Variants in PEX2 observed in about 807,000 individuals in gnomAD.
PEX2 encodes the protein peroxisome biogenesis factor 2.
In PEX2, 19 loss-of-function variants were observed where a neutral mutation model predicts 25.2. That is an observed-to-expected ratio of 0.75 (90% CI 0.53 to 1.10). The LOEUF (loss-of-function observed/expected upper bound fraction) is 1.10. Among genes scored for constraint, PEX2 ranks in the 50% least tolerant of loss-of-function variants. The pLI is 0.00. For synonymous variants in PEX2, 141 were observed against 127.7 expected (o/e 1.10, Z -0.70); for missense variants, 347 against 350.6 (o/e 0.99, Z 0.08).
chr8:76,995,312 T>C (rs1329816174), intron 1 of PEX2, among the ~76,000 whole-genome samples: 1 of 152,212 alleles, frequency 6.6e-6, no homozygotes, highest in Non-Finnish European at 1.5e-5. Context: ...ACCTCTAAAT[T>C]ACTTTTAACT....
At chr8:76,990,000 G>A (rs1478671637) in intron 1 of PEX2, among the ~76,000 whole-genome samples, 2 of 152,128 alleles carry the variant, frequency 1.3e-5, no homozygotes, top group African/African-American at 4.8e-5. Context: ...TAAGCCTTTT[G>A]TCTATCTTGA....
At chr8:76,986,575 C>T (rs1010517846) in intron 2 of PEX2, 1 of 152,514 alleles carries the variant, frequency 6.6e-6, no homozygotes, top group African/African-American at 2.4e-5. Flanking sequence ...AGCTTGCTTT[C>T]CTTCCTTACG....
chr8:76,988,166 G>C (rs1039451366), intron 2 of PEX2, 141 bp downstream of exon 2: 1 of 152,156 alleles, frequency 6.6e-6, no homozygotes, highest in African/African-American at 2.4e-5. Flanking sequence ...ATGTGTCTAT[G>C]ATAAAGATAC....
chr8:76,984,918 A>T (rs28712819), intron 3 of PEX2, among the ~76,000 whole-genome samples: 5,204 of 152,204 alleles, frequency 0.034, 272 homozygotes, highest in African/African-American at 0.12. Flanking sequence ...GAAAACTATG[A>T]TATAAAAATA....
chr8:76,985,802 C>G (rs138418511), intron 3 of PEX2, among the ~76,000 whole-genome samples: 1 of 152,232 alleles, frequency 6.6e-6, no homozygotes, highest in African/African-American at 2.4e-5. Flanking sequence ...TTCCCCTGAC[C>G]CTGACCTATG....
chr8:76,983,729 C>A lies in PEX2; in HGVS notation c.450G>T (p.Gly150=), dbSNP rs2132043975. The A allele has an allele frequency of 6.2e-7, 1 of 1,613,930 alleles. No individual in the cohort carries two copies. The highest frequency in any genetic ancestry group is 8.5e-7 in the Non-Finnish European group (1 of 1,179,954). ...NFVIGLLKLG[G]LINFLIFLQR... ...GAAGGAAAATCAAAAAATTAATCAG[C>A]CCACCTAATTTCAAAAGTCCAATCA... The change falls in exon 4 of 4, where the codon GGG becomes GGT. Residue 150 remains glycine, a synonymous_variant. Coordinates refer to ENST00000357039, the MANE Select transcript of PEX2 (RefSeq NM_000318.3).
At chr8:77,000,797 C>T (rs542090002), upstream of PEX2, 2 of 152,418 alleles carry the variant, frequency 1.3e-5, no homozygotes, top group Admixed American at 6.5e-5. Context: ...CCCGGTAACG[C>T]TTAGGAATTC....
intron 1 of PEX2, among the ~76,000 whole-genome samples, chr8:76,989,330 G>C (rs766102177): frequency 6.6e-6 from 1 of 152,022 alleles, no homozygotes. Context: ...CTGAAGTCTT[G>C]AACTCCTCAA....
At chr8:76,986,667 G>C (rs560592328) in intron 2 of PEX2, 5 of 152,170 alleles carry the variant, frequency 3.3e-5, no homozygotes, top group Admixed American at 6.5e-5. Flanking sequence ...GGAACAGTCC[G>C]TTTCCAATCT....
chr8:76,993,579 A>T (rs1162594483), intron 1 of PEX2, among the ~76,000 whole-genome samples: 1 of 152,210 alleles, frequency 6.6e-6, no homozygotes, highest in Non-Finnish European at 1.5e-5. Context: ...TCATTTAAGT[A>T]AGCTTTAACA....
At chr8:76,995,920 G>GAAAC (rs10694404) in intron 1 of PEX2, among the ~76,000 whole-genome samples, 149,763 of 151,876 alleles carry the variant, frequency 0.99, 73,852 homozygotes, top group East Asian at 1. Flanking sequence ...GCTAAAAAAA[G>GAAAC]AAACAAAAAA....
At chr8:76,989,038 G>A (rs900666116) in intron 1 of PEX2, among the ~76,000 whole-genome samples, 11 of 151,200 alleles carry the variant, frequency 7.3e-5, no homozygotes, top group Middle Eastern at 3.2e-3. Context: ...TTAGCCAGGC[G>A]TGCTGGCATG....
Position 76,983,707 on chromosome 8 carries a change from G to A in PEX2, c.472C>T (p.Leu158Phe). The A allele has an allele frequency of 6.2e-7, 1 of 1,613,954 alleles. No individual in the cohort carries two copies. The highest frequency in any genetic ancestry group is 8.5e-7 in the Non-Finnish European group (1 of 1,179,988). Residue 158 changes from leucine to phenylalanine, a missense_variant, in exon 4 of 4, where the codon CTT becomes TTT. Transcript: ENST00000357039. ...AAAGTTGCAAACTTTCCCCTCTGAA[G>A]GAAAATCAAAAAATTAATCAGCCCA... ...LGGLINFLIF[L>F]QRGKFATLTE...
At chr8:76,999,675 C>T in intron 1 of PEX2, 1 of 365,336 alleles carries the variant, frequency 2.7e-6, no homozygotes, top group South Asian at 2.1e-5. Context: ...TCTTCACGAC[C>T]GCCAAATGAG....
Position 76,983,255 on chromosome 8 carries a change from T to C in PEX2, c.*6A>G, listed in dbSNP as rs764867618. The stretch of plus-strand genomic sequence containing the variant: ...TTTTTTTCCTCAAAGGAAGCAATTT[T>C]AGTTTCTAAAGAGCATTTACTTCTG... On this transcript the variant is annotated 3_prime_UTR_variant, in exon 4 of 4. Coordinates refer to ENST00000357039, the MANE Select transcript of PEX2 (RefSeq NM_000318.3). 1.2e-6 allele frequency: 2 copies of C among 1,611,348 alleles called. No individual in the cohort carries two copies. The highest frequency in any genetic ancestry group is 1.7e-6 in the Non-Finnish European group (2 of 1,179,988).
Position 76,983,462 on chromosome 8 carries a change from G to A in PEX2, c.717C>T (p.Thr239=), listed in dbSNP as rs2132043284. ...GAPNSDNTLA[T]SGKECALCGE... ...CACATAGAGCGCATTCTTTGCCACT[G>A]GTGGCTAATGTATTGTCACTATTAG... The change falls in exon 4 of 4, where the codon ACC becomes ACT. Residue 239 remains threonine (T), a synonymous_variant. Transcript: ENST00000357039. 1.9e-6 allele frequency: 3 copies of A among 1,614,074 alleles called. No homozygotes were observed. The highest frequency in any genetic ancestry group is 2.5e-6 in the Non-Finnish European group (3 of 1,179,980).
rs532403184 is a variant in PEX2 at position 76,991,141 on chromosome 8, T to C, written c.-159-2803A>G. ...ATCTCTTCCTCAGGTTCCTTAGTGA[T>C]ATTTAGTGAGAAACTGGTCAGAGTG... On this transcript the variant is annotated intron_variant, in intron 1 of 3. Coordinates refer to ENST00000357039, the MANE Select transcript of PEX2 (RefSeq NM_000318.3). Among the ~76,000 whole-genome samples, 98 of 152,294 alleles carry C rather than the reference T, an allele frequency of 6.4e-4. 2 individuals carry two copies. The South Asian group carries it at 0.02, about 32-fold the overall frequency.
Position 76,983,385 on chromosome 8 carries a change from T to A in PEX2, c.794A>T (p.Tyr265Phe). The change falls in exon 4 of 4, where the codon TAT becomes TTT. Residue 265 changes from tyrosine (Y) to phenylalanine (F), a missense_variant. Physicochemically the swap from Tyr to Phe is conservative, Grantham distance 22. Coordinates refer to ENST00000357039, the MANE Select transcript of PEX2 (RefSeq NM_000318.3). ...TAAGAAACTACTCTTAGCACAGAAATAACAGAAAATATGCTCACATCCTAT... is the reference window on the plus strand; with the variant it reads ...TAAGAAACTACTCTTAGCACAGAAAAAACAGAAAATATGCTCACATCCTAT... ...HTIGCEHIFC[Y>F]FCAKSSFLFD... 1 of 1,613,996 alleles carries A rather than the reference T, an allele frequency of 6.2e-7. No homozygotes were observed. The highest frequency in any genetic ancestry group is 2.2e-5 in the East Asian group (1 of 44,870).
intron 1 of PEX2, among the ~76,000 whole-genome samples, chr8:76,991,073 C>T (rs755142450): frequency 1.3e-5 from 2 of 152,160 alleles, no homozygotes; most frequent in Admixed American, 6.5e-5. Context: ...TCAAACTATG[C>T]GTTTCTCAGA....
Sources: gnomAD v4.1 joint callset for allele counts (sites outside exome capture counted in the v4.1 genomes callset) on GRCh38, gnomAD v4.1.1 for gene constraint, MANE v1.5 for transcripts, NCBI Gene and HGNC (gene_info 2026-07-23, HGNC 2026-07-21) for gene names.